Variants in TMEM182 observed in about 807,000 individuals in gnomAD.
TMEM182 encodes transmembrane protein 182.
A neutral mutation model predicts 26.8 loss-of-function variants in TMEM182; 20 were observed. The observed-to-expected ratio is 0.75, with a 90% confidence interval of 0.53 to 1.09. TMEM182 has a LOEUF of 1.09. Among genes scored for constraint, TMEM182 ranks in the 50% least tolerant of loss-of-function variants. The pLI is 0.00. For synonymous variants in TMEM182, 109 were observed against 102.2 expected, an observed-to-expected ratio of 1.07 and a Z score of -0.40; for missense variants, 277 against 275.5, an observed-to-expected ratio of 1.01 and a Z score of -0.04.
intron 3 of TMEM182, among the ~76,000 whole-genome samples, chr2:102,791,642 A>G (rs78832506): frequency 0.016 from 2,361 of 152,310 alleles, 68 homozygotes; most frequent in African/African-American, 0.053. Context: ...ATCCTTTCAC[A>G]GATTCACATG....
chr2:102,839,196 T>C (rs1207091322), intron 3 of TMEM182, among the ~76,000 whole-genome samples: 1 of 152,006 alleles, frequency 6.6e-6, no homozygotes, highest in Admixed American at 6.6e-5. Flanking sequence ...ATACCTGCCA[T>C]TTTTTTCTGA....
intron 1 of TMEM182, among the ~76,000 whole-genome samples, chr2:102,747,978 A>G (rs1254479617): frequency 2.0e-5 from 3 of 152,010 alleles, no homozygotes; most frequent in Non-Finnish European, 4.4e-5. Flanking sequence ...CTTCTTGCTC[A>G]TGTAACACTA....
chr2:102,741,709 A>G (rs564948498), intron 1 of TMEM182, among the ~76,000 whole-genome samples: 1 of 152,336 alleles, frequency 6.6e-6, no homozygotes, highest in Non-Finnish European at 1.5e-5. Context: ...AACACCTTAC[A>G]AAAATATTAA....
intron 3 of TMEM182, among the ~76,000 whole-genome samples, chr2:102,834,608 A>G (rs569938277): frequency 3.5e-4 from 54 of 152,328 alleles, no homozygotes; most frequent in African/African-American, 1.2e-3. Context: ...ATGTTCAAGG[A>G]CTTGCCAAGG....
upstream of TMEM182, among the ~76,000 whole-genome samples, chr2:102,757,037 C>A (rs1386246638): frequency 3.3e-5 from 5 of 152,090 alleles, no homozygotes; most frequent in African/African-American, 1.2e-4. Flanking sequence ...GTCCTGAACT[C>A]CTGACCTCGT....
At chr2:102,819,098 A>G (rs1347018001), downstream of TMEM182, among the ~76,000 whole-genome samples, 1 of 152,222 alleles carries the variant, frequency 6.6e-6, no homozygotes, top group South Asian at 2.1e-4. Flanking sequence ...TTACAGTGAC[A>G]TAATTCACTG....
At chr2:102,745,982 G>A (rs1573483364) in intron 1 of TMEM182, among the ~76,000 whole-genome samples, 3 of 152,128 alleles carry the variant, frequency 2.0e-5, no homozygotes, top group Admixed American at 2.0e-4. Context: ...TGGGTTGATG[G>A]TACCTCTATG....
chr2:102,753,543 T>TA (rs1014915482), intron 1 of TMEM182, among the ~76,000 whole-genome samples: 7 of 121,722 alleles, frequency 5.8e-5, no homozygotes, highest in East Asian at 4.8e-4. Flanking sequence ...TTTTATTTTT[T>TA]AAAAAAAAAT....
intron 3 of TMEM182, among the ~76,000 whole-genome samples, chr2:102,770,293 A>G (rs1437302129): frequency 1.3e-5 from 2 of 152,150 alleles, no homozygotes; most frequent in Non-Finnish European, 2.9e-5. Flanking sequence ...TAAGCCAATG[A>G]TGCAAAAGTT....
chr2:102,804,278 C>T (rs1183632848), intron 4 of TMEM182, among the ~76,000 whole-genome samples: 1 of 152,130 alleles, frequency 6.6e-6, no homozygotes, highest in Non-Finnish European at 1.5e-5. Context: ...GTATCCACTG[C>T]ACTCTATTTG....
chr2:102,801,934 G>A (rs1390690546), intron 4 of TMEM182, among the ~76,000 whole-genome samples: 2 of 152,092 alleles, frequency 1.3e-5, no homozygotes, highest in Non-Finnish European at 2.9e-5. Flanking sequence ...CATTGTTTGT[G>A]TATGACCATT....
intron 1 of TMEM182, among the ~76,000 whole-genome samples, chr2:102,745,787 G>T (rs1270292070): frequency 6.6e-6 from 1 of 152,098 alleles, no homozygotes; most frequent in Non-Finnish European, 1.5e-5. Flanking sequence ...GTTCATCCAG[G>T]TTGTAGCATG....
intron 1 of TMEM182, among the ~76,000 whole-genome samples, chr2:102,748,671 A>C (rs1273179924): frequency 6.6e-6 from 1 of 152,238 alleles, no homozygotes; most frequent in South Asian, 2.1e-4. Context: ...TCAAGAAAGA[A>C]GCATTACAAG....
At chr2:102,776,969 T>C (rs1264776117) in intron 3 of TMEM182, among the ~76,000 whole-genome samples, 2 of 152,114 alleles carry the variant, frequency 1.3e-5, no homozygotes, top group Admixed American at 1.3e-4. Flanking sequence ...TTCTGTTAAA[T>C]TCTCTCAGTT....
chr2:102,830,023 C>T (rs1227325656), intron 3 of TMEM182, among the ~76,000 whole-genome samples: 1 of 152,102 alleles, frequency 6.6e-6, no homozygotes, highest in African/African-American at 2.4e-5. Flanking sequence ...GCTTGTATAC[C>T]ATTAAGGGAA....
At chr2:102,818,745 C>CCTAT (rs71378191), downstream of TMEM182, among the ~76,000 whole-genome samples, 19,851 of 136,346 alleles carry the variant, frequency 0.15, 1,353 homozygotes, top group Admixed American at 0.18. Context: ...TCTATTTAAT[C>CCTAT]CTATCTATCT....
At chr2:102,818,857 CTAAAT>C (rs1682843579), downstream of TMEM182, among the ~76,000 whole-genome samples, 1 of 151,980 alleles carries the variant, frequency 6.6e-6, no homozygotes, top group Non-Finnish European at 1.5e-5. Flanking sequence ...ATATAAGTAA[CTAAAT>C]TAGAACGATT....
intron 3 of TMEM182, among the ~76,000 whole-genome samples, chr2:102,774,286 C>T (rs573701029): frequency 1.1e-4 from 13 of 118,622 alleles, no homozygotes; most frequent in South Asian, 2.8e-4. Context: ...GACAGAATCT[C>T]GTCCTGTAGC....
intron 4 of TMEM182, among the ~76,000 whole-genome samples, chr2:102,811,058 C>CAAAAAA (rs10629082): frequency 1.4e-4 from 13 of 94,460 alleles, no homozygotes; most frequent in African/African-American, 4.9e-4. Context: ...TCCTCTATAG[C>CAAAAAA]AAAAAAAAAA....
Sources: gnomAD v4.1 joint callset for allele counts (sites outside exome capture counted in the v4.1 genomes callset) on GRCh38, gnomAD v4.1.1 for gene constraint, MANE v1.5 for transcripts, NCBI Gene and HGNC (gene_info 2026-07-23, HGNC 2026-07-21) for gene names.